The following ARHGAP10 variants were observed in gnomAD, a reference collection of about 807,000 sequenced individuals.
ARHGAP10 encodes Rho GTPase activating protein 10, also known as rho GTPase-activating protein 10.
In ARHGAP10, 87 loss-of-function variants were observed where a neutral mutation model predicts 108.6. The ratio of observed to expected loss-of-function variants is 0.80; its 90% CI spans 0.67 to 0.96. ARHGAP10 has a LOEUF of 0.96. Ranked by LOEUF, ARHGAP10 falls within the 40% of genes least tolerant of loss-of-function variation. The probability of loss-of-function intolerance (pLI) is 0.00; values close to 1 mark genes in which losing one functional copy is unlikely to be tolerated. For missense variants in ARHGAP10, 939 were observed against 954.5 expected, an observed-to-expected ratio of 0.98 and a Z score of 0.21; for synonymous variants, 347 against 341.1, an observed-to-expected ratio of 1.02 and a Z score of -0.19.
intron 1 of ARHGAP10, among the ~76,000 whole-genome samples, chr4:147,755,627 G>A: frequency 6.6e-6 from 1 of 152,230 alleles, no homozygotes; most frequent in Middle Eastern, 3.2e-3. Flanking sequence ...TTGGCGAGCT[G>A]CTGGAATATT....
chr4:147,741,922 C>T (rs1728690998), intron 1 of ARHGAP10, among the ~76,000 whole-genome samples: 1 of 152,094 alleles, frequency 6.6e-6, no homozygotes, highest in Non-Finnish European at 1.5e-5. Context: ...AGGCCTGACT[C>T]CCTGGTCCAA....
At chr4:147,740,901 A>G (rs1165134476) in intron 1 of ARHGAP10, among the ~76,000 whole-genome samples, 1 of 151,882 alleles carries the variant, frequency 6.6e-6, no homozygotes, top group Non-Finnish European at 1.5e-5. Flanking sequence ...AAGGGGTAGG[A>G]CCTATCTCAG....
intron 10 of ARHGAP10, among the ~76,000 whole-genome samples, chr4:147,890,416 T>C (rs1042340691): frequency 6.6e-6 from 1 of 152,244 alleles, no homozygotes; most frequent in Admixed American, 6.5e-5. Context: ...GAAAATAATG[T>C]CTGATAAGGG....
intron 3 of ARHGAP10, among the ~76,000 whole-genome samples, chr4:147,844,738 C>T (rs1733566674): frequency 1.3e-5 from 2 of 152,230 alleles, no homozygotes; most frequent in East Asian, 1.9e-4. Context: ...AATCTGTCTA[C>T]TTGTCTTTAC....
chr4:148,012,474 C>T (rs1741204909), intron 18 of ARHGAP10, among the ~76,000 whole-genome samples: 1 of 152,148 alleles, frequency 6.6e-6, no homozygotes, highest in South Asian at 2.1e-4. Context: ...GTATGTGTGA[C>T]CTCCACATAG....
chr4:148,045,080 T>A (rs918283345), intron 19 of ARHGAP10, among the ~76,000 whole-genome samples: 4 of 152,196 alleles, frequency 2.6e-5, no homozygotes, highest in African/African-American at 9.6e-5. Flanking sequence ...AACACACTTA[T>A]GAAATAAAGA....
intron 11 of ARHGAP10, among the ~76,000 whole-genome samples, chr4:147,908,072 G>C (rs1460870603): frequency 6.6e-6 from 1 of 152,150 alleles, no homozygotes; most frequent in Non-Finnish European, 1.5e-5. Context: ...TTGAACTCCT[G>C]ACCTCAAACG....
chr4:148,057,271 G>T (rs1729406103), intron 20 of ARHGAP10, among the ~76,000 whole-genome samples: 1 of 152,220 alleles, frequency 6.6e-6, no homozygotes, highest in Non-Finnish European at 1.5e-5. Flanking sequence ...TAATTTGCAT[G>T]CGTACAATCC....
At chr4:147,807,960 C>T (rs1376712796) in intron 1 of ARHGAP10, among the ~76,000 whole-genome samples, 1 of 152,116 alleles carries the variant, frequency 6.6e-6, no homozygotes, top group Non-Finnish European at 1.5e-5. Context: ...AAGTTAAATC[C>T]AGAGTATCAG....
At chr4:148,050,852 C>T (rs1003327567) in intron 20 of ARHGAP10, among the ~76,000 whole-genome samples, 2 of 152,152 alleles carry the variant, frequency 1.3e-5, no homozygotes, top group Non-Finnish European at 2.9e-5. Context: ...TATTAAATAT[C>T]ATAGGTTCTA....
chr4:147,763,906 C>T (rs558909522), intron 1 of ARHGAP10, among the ~76,000 whole-genome samples: 9 of 152,120 alleles, frequency 5.9e-5, no homozygotes, highest in Admixed American at 1.3e-4. Flanking sequence ...AGGCGTACGC[C>T]GCCATGCCTG....
chr4:148,024,415 C>T (rs1560880327), intron 19 of ARHGAP10, among the ~76,000 whole-genome samples: 1 of 152,274 alleles, frequency 6.6e-6, no homozygotes, highest in East Asian at 1.9e-4. Context: ...ACCATGCCTT[C>T]ATCATAGGCA....
At chr4:148,045,756 A>T (rs1728851982) in intron 19 of ARHGAP10, among the ~76,000 whole-genome samples, 1 of 151,640 alleles carries the variant, frequency 6.6e-6, no homozygotes, top group Admixed American at 6.6e-5. Context: ...AAAAAAAAAA[A>T]AAAAAAAAAG....
chr4:148,010,563 T>A (rs1741131472), intron 18 of ARHGAP10, among the ~76,000 whole-genome samples: 1 of 152,216 alleles, frequency 6.6e-6, no homozygotes, highest in Non-Finnish European at 1.5e-5. Flanking sequence ...TTGCTATTTT[T>A]GTTGAATAAT....
chr4:147,751,621 C>T (rs1729154588), intron 1 of ARHGAP10, among the ~76,000 whole-genome samples: 1 of 152,006 alleles, frequency 6.6e-6, no homozygotes, highest in Non-Finnish European at 1.5e-5. Flanking sequence ...CTACCTCCGG[C>T]CCCCTAAAGT....
At chr4:147,848,841 G>A (rs533375834) in intron 4 of ARHGAP10, among the ~76,000 whole-genome samples, 42 of 152,304 alleles carry the variant, frequency 2.8e-4, no homozygotes, top group Non-Finnish European at 7.4e-5. Context: ...TTTGTTCAGA[G>A]TATATCCTGC....
chr4:147,957,024 A>T (rs1416147937), intron 16 of ARHGAP10, among the ~76,000 whole-genome samples: 2 of 152,148 alleles, frequency 1.3e-5, no homozygotes, highest in Non-Finnish European at 2.9e-5. Flanking sequence ...AGAGTGGTGA[A>T]AACGATTGCA....
At chr4:147,761,733 C>A (rs964942309) in intron 1 of ARHGAP10, among the ~76,000 whole-genome samples, 10 of 152,088 alleles carry the variant, frequency 6.6e-5, no homozygotes, top group African/African-American at 2.4e-4. Context: ...TTGGAATATA[C>A]GGGCTAGTTT....
chr4:147,828,503 A>G (rs1732814475), intron 3 of ARHGAP10, among the ~76,000 whole-genome samples: 1 of 152,226 alleles, frequency 6.6e-6, no homozygotes, highest in Non-Finnish European at 1.5e-5. Flanking sequence ...ATAAGTAGTG[A>G]TTCATCCATT....
Sources: allele counts gnomAD v4.1 joint callset (sites outside exome capture counted in the v4.1 genomes callset), GRCh38; gene constraint gnomAD v4.1.1; transcripts MANE v1.5; gene names NCBI Gene and HGNC (gene_info 2026-07-23, HGNC 2026-07-21).